The following GRID2 variants were observed in gnomAD, a reference collection of about 807,000 sequenced individuals.
GRID2 encodes glutamate receptor ionotropic, delta-2.
Under a neutral mutation model 114.8 loss-of-function variants are expected in GRID2, and 33 were observed. The observed-to-expected ratio is 0.29, with a 90% confidence interval of 0.22 to 0.38. The LOEUF (loss-of-function observed/expected upper bound fraction) is 0.38, where lower values mean the gene tolerates loss of function less well. Among genes scored for constraint, GRID2 ranks in the 10% least tolerant of loss-of-function variants. The pLI is 1.00. For missense variants in GRID2, 1,184 were observed against 1,257.7 expected (o/e 0.94, Z 0.89); for synonymous variants, 505 against 449.9 (o/e 1.12, Z -1.55).
At chr4:92,365,688 T>G (rs1728830079) in intron 1 of GRID2, among the ~76,000 whole-genome samples, 1 of 152,074 alleles carries the variant, frequency 6.6e-6, no homozygotes, top group African/African-American at 2.4e-5. Flanking sequence ...GCATGTTAAT[T>G]TGCTTGATTT....
intron 2 of GRID2, among the ~76,000 whole-genome samples, chr4:92,828,032 G>A (rs1479821795): frequency 1.3e-5 from 2 of 151,972 alleles, no homozygotes; most frequent in African/African-American, 2.4e-5. Flanking sequence ...TTCAGTTTCA[G>A]GAACTTCCTG....
chr4:93,098,717 C>A (rs1413168225), intron 3 of GRID2, among the ~76,000 whole-genome samples: 1 of 151,760 alleles, frequency 6.6e-6, no homozygotes, highest in Non-Finnish European at 1.5e-5. Flanking sequence ...TGCCTAGTAA[C>A]AATAACAACC....
chr4:92,730,115 CCA>C (rs1303324523), intron 2 of GRID2, among the ~76,000 whole-genome samples: 1 of 151,926 alleles, frequency 6.6e-6, no homozygotes, highest in Non-Finnish European at 1.5e-5. Context: ...ACATAGAACT[CCA>C]GTTTATATTT....
At chr4:92,769,731 C>G (rs1165828004) in intron 2 of GRID2, among the ~76,000 whole-genome samples, 4 of 152,176 alleles carry the variant, frequency 2.6e-5, no homozygotes, top group African/African-American at 9.6e-5. Flanking sequence ...CAAGGTGTAC[C>G]TTGGCCCCTT....
At chr4:92,521,415 A>G (rs1021037499) in intron 1 of GRID2, among the ~76,000 whole-genome samples, 11 of 151,974 alleles carry the variant, frequency 7.2e-5, no homozygotes, top group African/African-American at 2.7e-4. Context: ...TCGACAATTT[A>G]TTTAAAAGAT....
intron 1 of GRID2, among the ~76,000 whole-genome samples, chr4:92,493,816 T>C (rs1346568948): frequency 6.6e-6 from 1 of 152,188 alleles, no homozygotes; most frequent in Non-Finnish European, 1.5e-5. Context: ...CTGTTTCCAA[T>C]AGGAGACCAC....
At chr4:93,447,465 A>G (rs1722195503) in intron 10 of GRID2, among the ~76,000 whole-genome samples, 1 of 151,996 alleles carries the variant, frequency 6.6e-6, no homozygotes, top group Non-Finnish European at 1.5e-5. Flanking sequence ...CATAAATAAA[A>G]GTATCAAAAA....
intron 13 of GRID2, among the ~76,000 whole-genome samples, chr4:93,618,756 G>A (rs1245551973): frequency 2.6e-5 from 4 of 152,078 alleles, no homozygotes; most frequent in Admixed American, 1.3e-4. Context: ...ACTTGTTTTC[G>A]CAGACACACC....
intron 1 of GRID2, among the ~76,000 whole-genome samples, chr4:92,549,122 C>CAAAAAAA (rs35094573): frequency 8.9e-6 from 1 of 112,014 alleles, no homozygotes. Flanking sequence ...AGGTCTTCCG[C>CAAAAAAA]AAAAAAAAAA....
At chr4:93,312,140 C>G (rs1484738587) in intron 8 of GRID2, among the ~76,000 whole-genome samples, 2 of 152,052 alleles carry the variant, frequency 1.3e-5, no homozygotes, top group African/African-American at 4.8e-5. Context: ...TTGATTCTTT[C>G]ATTTACTATA....
rs532800910 is a variant in GRID2, at chr4:92,620,767, G to A, written c.244+30481G>A. 3.0e-3 allele frequency among the ~76,000 whole-genome samples: 455 copies of A among 149,958 alleles called. 2 individuals are homozygous for A. The highest frequency in any genetic ancestry group is 0.011 in the African/African-American group (439 of 41,124). ...TGACAGTATTAGGACACAGGAAGTG[G>A]AACATCACACACCGGGGACTGTTGT... On this transcript the variant is annotated intron_variant, in intron 2 of 15. Transcript: ENST00000282020.
At chr4:93,590,090 G>A (rs1303945496) in intron 13 of GRID2, among the ~76,000 whole-genome samples, 3 of 150,172 alleles carry the variant, frequency 2.0e-5, no homozygotes, top group Non-Finnish European at 4.5e-5. Flanking sequence ...GTCTTTTGTT[G>A]TCATTGCTTT....
At chr4:92,473,878 A>G (rs1722160719) in intron 1 of GRID2, among the ~76,000 whole-genome samples, 2 of 151,796 alleles carry the variant, frequency 1.3e-5, no homozygotes, top group Non-Finnish European at 2.9e-5. Flanking sequence ...AAGGTCTACA[A>G]TGTGATTTTA....
chr4:92,682,901 T>G (rs995750648), intron 2 of GRID2, among the ~76,000 whole-genome samples: 3 of 152,134 alleles, frequency 2.0e-5, no homozygotes, highest in Non-Finnish European at 4.4e-5. Context: ...TAGGCCACTA[T>G]TAATTGTGGC....
chr4:92,499,256 G>C (rs997666900), intron 1 of GRID2, among the ~76,000 whole-genome samples: 1 of 151,746 alleles, frequency 6.6e-6, no homozygotes, highest in African/African-American at 2.4e-5. Flanking sequence ...TGTAATATTT[G>C]AAAGAAAGAG....
intron 2 of GRID2, among the ~76,000 whole-genome samples, chr4:92,633,180 AT>A (rs964155642): frequency 2.6e-5 from 4 of 152,124 alleles, no homozygotes; most frequent in Non-Finnish European, 5.9e-5. Flanking sequence ...GTGCTAATGT[AT>A]GTTCAATTTT....
chr4:92,743,166 G>A (rs1046016893), intron 2 of GRID2, among the ~76,000 whole-genome samples: 7 of 152,086 alleles, frequency 4.6e-5, no homozygotes, highest in African/African-American at 1.7e-4. Flanking sequence ...AGTCCCAGCT[G>A]TTAGGGAATT....
At chr4:92,625,935 T>C (rs1044774593) in intron 2 of GRID2, among the ~76,000 whole-genome samples, 1 of 152,052 alleles carries the variant, frequency 6.6e-6, no homozygotes, top group Non-Finnish European at 1.5e-5. Flanking sequence ...TGTGTACATT[T>C]TGCTTTTTCA....
intron 1 of GRID2, among the ~76,000 whole-genome samples, chr4:92,523,502 C>A (rs775532158): frequency 2.0e-5 from 3 of 151,914 alleles, no homozygotes; most frequent in Non-Finnish European, 2.9e-5. Context: ...CAAATGAATG[C>A]AACCACTTAA....
Sources: allele counts gnomAD v4.1 joint callset (sites outside exome capture counted in the v4.1 genomes callset), GRCh38; gene constraint gnomAD v4.1.1; transcripts MANE v1.5; gene names NCBI Gene and HGNC (gene_info 2026-07-23, HGNC 2026-07-21).